USP22: variants seen among roughly 807,000 people sequenced by gnomAD.
The protein encoded by USP22 is ubiquitin carboxyl-terminal hydrolase 22.
USP22 carries 22 observed loss-of-function variants against 68.1 expected under a neutral mutation model. The observed-to-expected ratio is 0.32, with a 90% CI of 0.23 to 0.46. USP22 has a LOEUF of 0.46. Ranked by LOEUF, USP22 falls within the 20% of genes least tolerant of loss-of-function variation. The pLI, the probability that USP22 is intolerant of heterozygous loss-of-function variation, is 1.00. For synonymous variants in USP22, 279 were observed against 274.2 expected (o/e 1.02, Z -0.17); for missense variants, 433 against 695.8 (o/e 0.62, Z 4.25).
At chr17:21,027,925 A>G (rs1252767689) in intron 2 of USP22, among the ~76,000 whole-genome samples, 1 of 152,138 alleles carries the variant, frequency 6.6e-6, no homozygotes, top group Non-Finnish European at 1.5e-5. Flanking sequence ...CCAAGATCAC[A>G]CCACCGCACT....
chr17:21,010,544 G>GTGCA (rs34941317), intron 8 of USP22, among the ~76,000 whole-genome samples: 25,834 of 147,402 alleles, frequency 0.18, 2,728 homozygotes, highest in South Asian at 0.27. Context: ...AGGCGTGGTG[G>GTGCA]TGCACACCTG....
intron 1 of USP22, among the ~76,000 whole-genome samples, chr17:21,041,151 G>A (rs557142673): frequency 5.6e-4 from 85 of 151,998 alleles, no homozygotes; most frequent in Non-Finnish European, 1.0e-3. Flanking sequence ...CCCACGTGCT[G>A]GGATTACAGG....
chr17:21,039,037 C>T (rs1356440140), intron 1 of USP22, among the ~76,000 whole-genome samples: 6 of 151,918 alleles, frequency 3.9e-5, no homozygotes, highest in Admixed American at 3.9e-4. Flanking sequence ...CTGCAACCTC[C>T]GCCTCCCTGG....
In USP22 at chr17:21,002,952, G is replaced by GA. The variant is rs1555588587; in HGVS notation, c.*78dup. ...CGGGGAGGCGGCGGGAGACTTGGGG[G>GA]AGGGGGGGGCCAGGGAGGATCACTT... On this transcript the variant is annotated 3_prime_UTR_variant, in exon 13 of 13. Coordinates refer to ENST00000261497, the MANE Select transcript of USP22 (RefSeq NM_015276.2). 6.4e-7 allele frequency: 1 copy of GA among 1,553,224 alleles called. No homozygotes were observed. The highest frequency in any genetic ancestry group is 8.8e-7 in the Non-Finnish European group (1 of 1,137,336).
At chr17:21,027,485 G>C (rs958235298) in intron 2 of USP22, among the ~76,000 whole-genome samples, 1 of 151,902 alleles carries the variant, frequency 6.6e-6, no homozygotes, top group Non-Finnish European at 1.5e-5. Context: ...TCAAATTACA[G>C]AACTTCAGGG....
At position 21,003,216 on chromosome 17, in the gene USP22, C is replaced by T. The variant is rs74951807; in HGVS notation, c.1536-143G>A. On this transcript the variant is annotated intron_variant, in intron 12 of 12. Transcript: ENST00000261497. ...AGTTGATGGTTTTGGCTTTTTAGTCCGCAAGGAGGAAAGAGTGCTTCACTG... is the reference window on the plus strand; with the variant it reads ...AGTTGATGGTTTTGGCTTTTTAGTCTGCAAGGAGGAAAGAGTGCTTCACTG... 3.0e-4 allele frequency: 280 copies of T among 943,752 alleles called. 2 individuals are homozygous for T. The East Asian group carries it at 5.2e-3, about 17-fold the overall frequency. 58.5% of individuals were successfully genotyped at this position (943,752 alleles called of 1,614,324 possible). A position where few individuals can be genotyped will look rare whatever the true frequency, so the allele number is the denominator to read the frequency against.
At chr17:21,017,838 G>A (rs1278894050) in intron 5 of USP22, 104 bp downstream of exon 5, 7 of 1,395,392 alleles carry the variant, frequency 5.0e-6, no homozygotes, top group Non-Finnish European at 2.0e-6. Context: ...ACTACAAAAG[G>A]TTCTAAATGT....
chr17:21,036,711 G>C (rs1478448504), intron 1 of USP22, among the ~76,000 whole-genome samples: 1 of 152,212 alleles, frequency 6.6e-6, no homozygotes. Flanking sequence ...AAATGGATTA[G>C]AGTTGGAGAT....
chr17:21,020,755 G>T (rs1972146767), intron 3 of USP22, among the ~76,000 whole-genome samples: 1 of 152,194 alleles, frequency 6.6e-6, no homozygotes, highest in African/African-American at 2.4e-5. Context: ...TCCCCGAGAG[G>T]TGTGACCTCG....
intron 1 of USP22, among the ~76,000 whole-genome samples, chr17:21,030,184 GATTA>G (rs1224440759): frequency 1.3e-5 from 2 of 152,096 alleles, no homozygotes; most frequent in African/African-American, 4.8e-5. Flanking sequence ...ATCATCTCTA[GATTA>G]CTTACAATAC....
intron 8 of USP22, among the ~76,000 whole-genome samples, chr17:21,008,264 G>C (rs1913839886): frequency 6.6e-6 from 1 of 152,158 alleles, no homozygotes; most frequent in East Asian, 1.9e-4. Context: ...CCCAGCAGTT[G>C]AATTTGAGCC....
At chr17:21,039,079 G>C (rs935871012) in intron 1 of USP22, among the ~76,000 whole-genome samples, 2 of 151,958 alleles carry the variant, frequency 1.3e-5, no homozygotes, top group African/African-American at 4.8e-5. Context: ...AGCCTCACGA[G>C]TAGCTGGGAT....
Position 21,021,127 on chromosome 17 carries a change from G to A in USP22, c.404C>T (p.Ala135Val), listed in dbSNP as rs746116613. 3 of 1,614,092 alleles carry A rather than the reference G, an allele frequency of 1.9e-6. No homozygotes were observed. Among genetic ancestry groups the A allele is most frequent in the Non-Finnish European group, 2.5e-6 (3 of 1,179,954 alleles). ...EIIAKEEQRK[A>V]WKMQGVGEKF... is the part of the protein sequence containing the mutation. ...TGGAACCAAACCTTGCATTTTCCAAGCTTTTCGCTGCTCCTCCTTGGCGAT... is the reference window on the plus strand; with the variant it reads ...TGGAACCAAACCTTGCATTTTCCAAACTTTTCGCTGCTCCTCCTTGGCGAT... The change falls in exon 3 of 13, where the codon GCT (alanine) becomes GTT (valine). Residue 135 changes from alanine (A) to valine (V), a missense_variant. By Grantham distance (64) the Ala-to-Val change is moderately conservative. Around this residue, in one of 4 missense-constraint regions of USP22, gnomAD observed 144 missense variants for 237.2 expected, o/e 0.61. Transcript: ENST00000261497.
chr17:21,028,248 CA>C (rs1291607508), intron 2 of USP22, among the ~76,000 whole-genome samples: 1 of 152,156 alleles, frequency 6.6e-6, no homozygotes, highest in Non-Finnish European at 1.5e-5. Context: ...CTATGTGTTT[CA>C]AAGGGTCTGA....
chr17:21,015,633 A>C, intron 6 of USP22, 119 bp downstream of exon 6: 1 of 1,360,330 alleles, frequency 7.4e-7, no homozygotes, highest in Non-Finnish European at 9.7e-7. Flanking sequence ...CTATGATGAC[A>C]AAACAATGGA....
chr17:21,004,912 G>A lies in USP22; in HGVS notation c.1385+16C>T, dbSNP rs776613011. 5.9e-5 allele frequency: 96 copies of A among 1,613,770 alleles called. No homozygotes were observed. The highest frequency in any genetic ancestry group is 7.8e-5 in the Non-Finnish European group (92 of 1,179,854). ...GCCAGAGGCCCTGGACACCCACACC[G>A]CTAAGCACCACTTACTTGTTGTCAT... is the stretch of plus-strand genomic sequence containing the variant. On this transcript the variant is annotated intron_variant, in intron 11 of 12. Transcript: ENST00000261497.
intron 2 of USP22, among the ~76,000 whole-genome samples, chr17:21,027,156 C>T (rs991713668): frequency 2.6e-5 from 4 of 151,298 alleles, no homozygotes; most frequent in African/African-American, 7.3e-5. Flanking sequence ...TTCCAGGTGT[C>T]GTGGTGTGTG....
chr17:21,011,509 G>T, intron 7 of USP22, 200 bp from the exon 8 acceptor site: 1 of 629,338 alleles, frequency 1.6e-6, no homozygotes, highest in Non-Finnish European at 2.7e-6. Flanking sequence ...CTGGGGAGGG[G>T]TGTGTGTGAA....
chr17:21,003,200 T>C, intron 12 of USP22, 127 bp from the exon 13 acceptor site: 1 of 1,144,056 alleles, frequency 8.7e-7, no homozygotes, highest in Non-Finnish European at 1.3e-6. Flanking sequence ...GAGTTGATGG[T>C]TTTGGCTTTT....
Sources: allele counts gnomAD v4.1 joint callset (sites outside exome capture counted in the v4.1 genomes callset), GRCh38; gene constraint gnomAD v4.1.1; regional missense constraint gnomAD v4.1.1; transcripts MANE v1.5; gene names NCBI Gene and HGNC (gene_info 2026-07-23, HGNC 2026-07-21).